RNF217: variants seen among roughly 807,000 people sequenced by gnomAD.
RNF217 encodes E3 ubiquitin-protein ligase RNF217.
Under a neutral mutation model 57.8 loss-of-function variants are expected in RNF217, and 31 were observed. The observed-to-expected ratio is 0.54, with a 90% confidence interval of 0.40 to 0.72. The LOEUF is 0.72. RNF217 is among the 30% of genes least tolerant of loss of function. The pLI is 0.00. For missense variants in RNF217, 696 were observed against 708.3 expected (o/e 0.98, Z 0.20); for synonymous variants, 313 against 294.0 (o/e 1.06, Z -0.66).
At chr6:124,984,409 G>T (rs954872370) in intron 1 of RNF217, among the ~76,000 whole-genome samples, 7 of 151,960 alleles carry the variant, frequency 4.6e-5, no homozygotes, top group Non-Finnish European at 1.0e-4. Context: ...GTAACCAGGT[G>T]TGGTGGTGCA....
chr6:125,077,683 C>T (rs1788430792), intron 4 of RNF217, among the ~76,000 whole-genome samples: 1 of 152,190 alleles, frequency 6.6e-6, no homozygotes, highest in African/African-American at 2.4e-5. Context: ...GGAATGTAAC[C>T]ATGTGAGATT....
chr6:125,034,393 C>G (rs1786508518), intron 1 of RNF217, among the ~76,000 whole-genome samples: 1 of 152,118 alleles, frequency 6.6e-6, no homozygotes, highest in Non-Finnish European at 1.5e-5. Context: ...GGAAGGGATC[C>G]AGTTTCAGCT....
intron 1 of RNF217, among the ~76,000 whole-genome samples, chr6:125,006,890 A>G (rs1034185581): frequency 2.6e-5 from 4 of 152,256 alleles, no homozygotes; most frequent in Non-Finnish European, 4.4e-5. Flanking sequence ...CAGAGGTTGC[A>G]ATGAGCCGAG....
chr6:125,074,360 A>C (rs1288088529), intron 3 of RNF217, among the ~76,000 whole-genome samples: 1 of 150,970 alleles, frequency 6.6e-6, no homozygotes, highest in African/African-American at 2.5e-5. Context: ...TAGGGATGGG[A>C]GGAAGGGGGA....
intron 4 of RNF217, among the ~76,000 whole-genome samples, chr6:125,079,495 T>C (rs2114650615): frequency 6.7e-6 from 1 of 148,334 alleles, no homozygotes; most frequent in Non-Finnish European, 1.5e-5. Flanking sequence ...AAATAGCCAA[T>C]ACATATGTTC....
intron 1 of RNF217, among the ~76,000 whole-genome samples, chr6:124,979,360 T>G (rs1167178484): frequency 6.6e-6 from 1 of 152,098 alleles, no homozygotes; most frequent in Non-Finnish European, 1.5e-5. Flanking sequence ...CGTGGGCAGC[T>G]CTCTAAGTGA....
intron 1 of RNF217, among the ~76,000 whole-genome samples, chr6:125,015,736 C>G (rs1785576123): frequency 6.6e-6 from 1 of 151,928 alleles, no homozygotes; most frequent in Non-Finnish European, 1.5e-5. Context: ...GACATGACTT[C>G]TCAAAACTCA....
intron 2 of RNF217, chr6:125,048,138 T>C: frequency 8.0e-7 from 1 of 1,255,404 alleles, no homozygotes; most frequent in South Asian, 1.3e-5. Flanking sequence ...CCCATACCTG[T>C]CTGGGTATTA....
At chr6:125,046,673 G>A (rs1562484444) in intron 2 of RNF217, 1 of 455,898 alleles carries the variant, frequency 2.2e-6, no homozygotes, top group Non-Finnish European at 4.4e-6. Context: ...TAAGTTTCTG[G>A]TCATGTTCCC....
chr6:125,054,034 G>A (rs969270945), intron 2 of RNF217, among the ~76,000 whole-genome samples: 6 of 152,026 alleles, frequency 3.9e-5, no homozygotes, highest in African/African-American at 1.2e-4. Flanking sequence ...TAACTGATAC[G>A]TGATACCTAA....
At chr6:124,968,638 T>G (rs1340330470) in intron 1 of RNF217, among the ~76,000 whole-genome samples, 1 of 152,170 alleles carries the variant, frequency 6.6e-6, no homozygotes, top group African/African-American at 2.4e-5. Flanking sequence ...AACCTTGCAT[T>G]GAGTTCCACT....
In RNF217 at chr6:125,089,451, A is replaced by G. The variant is rs1788870133; in HGVS notation, c.*6514A>G. 1 of 152,164 alleles carries G rather than the reference A, an allele frequency of 6.6e-6. No individual in the cohort carries two copies. Among genetic ancestry groups the G allele is most frequent in the African/African-American group, 2.4e-5 (1 of 41,434 alleles). 9.4% of individuals were successfully genotyped at this position (152,164 alleles called of 1,614,324 possible). A position where few individuals can be genotyped will look rare whatever the true frequency, so the allele number is the denominator to read the frequency against. The stretch of plus-strand genomic sequence containing the variant: ...TTTATATAGTGTAGCATTTGTATAT[A>G]AGATTCAATTATGGATTCATGCTCT... On this transcript the variant is annotated 3_prime_UTR_variant, in exon 6 of 6. Transcript: ENST00000521654.
chr6:124,978,483 C>T (rs566181539), intron 1 of RNF217, among the ~76,000 whole-genome samples: 6 of 151,514 alleles, frequency 4.0e-5, no homozygotes, highest in African/African-American at 9.7e-5. Context: ...TGCCAGCAGT[C>T]GTGGAGCCCC....
chr6:124,966,602 A>T (rs1783553403), intron 1 of RNF217, among the ~76,000 whole-genome samples: 1 of 152,242 alleles, frequency 6.6e-6, no homozygotes, highest in African/African-American at 2.4e-5. Flanking sequence ...ATTATTTAAC[A>T]TCATTTAAGA....
intron 4 of RNF217, 33 bp from the exon 5 acceptor site, chr6:125,081,403 A>T (rs775618048): frequency 1.6e-5 from 24 of 1,544,784 alleles, no homozygotes; most frequent in Non-Finnish European, 2.7e-6. Context: ...TAGTTTTAAG[A>T]CTCCTTAAAT....
intron 1 of RNF217, among the ~76,000 whole-genome samples, chr6:124,969,180 T>G (rs1218925426): frequency 6.6e-6 from 1 of 152,242 alleles, no homozygotes; most frequent in Non-Finnish European, 1.5e-5. Context: ...TCCAAAGTTA[T>G]AAATCTATTA....
At chr6:125,078,915 T>A (rs1302268945) in intron 4 of RNF217, among the ~76,000 whole-genome samples, 1 of 152,166 alleles carries the variant, frequency 6.6e-6, no homozygotes, top group Non-Finnish European at 1.5e-5. Flanking sequence ...AAAGTAATGT[T>A]GTAATTTACA....
In RNF217 at chr6:124,963,008, C is replaced by G. The variant is rs748797659; in HGVS notation, c.464C>G (p.Pro155Arg). 2 of 1,595,288 alleles carry G rather than the reference C, an allele frequency of 1.3e-6. No individual in the cohort carries two copies. The highest frequency in any genetic ancestry group is 1.7e-6 in the Non-Finnish European group (2 of 1,178,544). The change falls in exon 1 of 6, where the codon CCG (proline) becomes CGG (arginine). Residue 155 changes from proline to arginine, a missense_variant. Pro to Arg is a moderately radical substitution (Grantham distance 103, BLOSUM62 -2). Coordinates refer to ENST00000521654, the MANE Select transcript of RNF217 (RefSeq NM_001286398.3). Reference protein sequence around the residue: ...LVLDVLGQRRPSLAKRQVFCS... With the variant: ...LVLDVLGQRRRSLAKRQVFCS... ...CTGGACGTGCTGGGTCAGCGGCGCC[C>G]GTCCCTCGCCAAGAGACAAGTCTTC...
intron 1 of RNF217, among the ~76,000 whole-genome samples, chr6:125,010,768 G>T (rs1041089409): frequency 2.8e-4 from 42 of 152,132 alleles, no homozygotes; most frequent in Non-Finnish European, 8.8e-5. Flanking sequence ...GGACTCTGGG[G>T]TTCATGTGCA....
Sources: allele counts gnomAD v4.1 joint callset (sites outside exome capture counted in the v4.1 genomes callset), GRCh38; gene constraint gnomAD v4.1.1; transcripts MANE v1.5; gene names NCBI Gene and HGNC (gene_info 2026-07-23, HGNC 2026-07-21).